Variants in NWD2 observed in about 807,000 individuals in gnomAD.
NWD2 encodes the protein NACHT and WD repeat domain containing 2.
A neutral mutation model predicts 132.7 loss-of-function variants in NWD2; 37 were observed. The observed-to-expected ratio is 0.28, with a 90% CI of 0.21 to 0.37. NWD2 has a LOEUF of 0.37. Ranked by LOEUF, NWD2 falls within the 10% of genes least tolerant of loss-of-function variation. The pLI is 1.00. For synonymous variants in NWD2, 705 were observed against 803.0 expected, an observed-to-expected ratio of 0.88 and a Z score of 2.06; for missense variants, 1,592 against 2,122.4, an observed-to-expected ratio of 0.75 and a Z score of 4.91.
Position 37,245,061 on chromosome 4 carries a change from G to A in NWD2, c.-7G>A. ...GCGGCGGCAGTGGCTGTTCCTCCCA[G>A]AGGGCGATGTGGCCGGCCGGCGCGG... is the stretch of plus-strand genomic sequence containing the variant. On this transcript the variant is annotated 5_prime_UTR_variant, in exon 1 of 7. Coordinates refer to ENST00000309447, the MANE Select transcript of NWD2 (RefSeq NM_001144990.2). The A allele has an allele frequency of 6.5e-7, 1 of 1,544,710 alleles. No homozygotes were observed. The highest frequency in any genetic ancestry group is 8.7e-7 in the Non-Finnish European group (1 of 1,146,410).
chr4:37,391,432 G>A (rs557678003), intron 3 of NWD2, among the ~76,000 whole-genome samples: 3 of 152,170 alleles, frequency 2.0e-5, no homozygotes, highest in East Asian at 1.9e-4. Context: ...TTTGGTCAGC[G>A]GAAGCTTCCA....
At position 37,446,788 on chromosome 4, in the gene NWD2, TG is replaced by T; in HGVS notation, c.4801del (p.Val1601Ter). 1 of 1,551,906 alleles carries T rather than the reference TG, an allele frequency of 6.4e-7. No homozygotes were observed. The highest frequency in any genetic ancestry group is 8.7e-7 in the Non-Finnish European group (1 of 1,147,068). On this transcript the variant is annotated frameshift_variant, in exon 7 of 7. Coordinates refer to ENST00000309447, the MANE Select transcript of NWD2 (RefSeq NM_001144990.2). LOFTEE classifies it high-confidence loss of function. The surrounding 1 kb of genome is among the most constrained non-coding windows in gnomAD (Gnocchi z 6.7). The part of the protein sequence containing the change: ...DENGAIFSLI[V>X]MRLADGKNIG... ...AAAATGGTGCAATATTCAGTTTAAT[TG>T]TAATGAGACTGGCAGATGGCAAAAA...
At chr4:37,421,316 G>C (rs868534262) in intron 3 of NWD2, among the ~76,000 whole-genome samples, 20 of 152,190 alleles carry the variant, frequency 1.3e-4, no homozygotes, top group African/African-American at 4.3e-4. Context: ...TGTAAGCTAA[G>C]AGCAAACTCC....
intron 1 of NWD2, among the ~76,000 whole-genome samples, chr4:37,302,467 A>G (rs2109277042): frequency 6.6e-6 from 1 of 152,222 alleles, no homozygotes; most frequent in East Asian, 1.9e-4. Context: ...TTTTCTTTGG[A>G]TAAATCCCAG....
intron 1 of NWD2, among the ~76,000 whole-genome samples, chr4:37,280,706 G>A (rs898584367): frequency 6.6e-6 from 1 of 152,078 alleles, no homozygotes. Flanking sequence ...AGCCCTGAGA[G>A]GAATAGAAAG....
chr4:37,371,790 T>G (rs1009905167), intron 3 of NWD2, among the ~76,000 whole-genome samples: 12 of 152,212 alleles, frequency 7.9e-5, no homozygotes, highest in African/African-American at 2.7e-4. Context: ...TCTATCTAAT[T>G]TTGCCCTGCA....
At chr4:37,404,375 T>C (rs1720955074) in intron 3 of NWD2, among the ~76,000 whole-genome samples, 1 of 152,194 alleles carries the variant, frequency 6.6e-6, no homozygotes, top group Non-Finnish European at 1.5e-5. Context: ...CCTAGCTGTA[T>C]ACCCCATCTA....
intron 3 of NWD2, 24 bp from the exon 4 acceptor site, chr4:37,430,548 T>C (rs770775385): frequency 3.3e-6 from 5 of 1,524,804 alleles, no homozygotes; most frequent in Non-Finnish European, 4.5e-6. Flanking sequence ...ATACACTAAA[T>C]TGAACTTTCT....
At chr4:37,288,757 ATAT>A (rs1274622538) in intron 1 of NWD2, among the ~76,000 whole-genome samples, 2 of 152,174 alleles carry the variant, frequency 1.3e-5, no homozygotes, top group African/African-American at 4.8e-5. Context: ...CCATTTGCAT[ATAT>A]TAAACAATGG....
intron 1 of NWD2, among the ~76,000 whole-genome samples, chr4:37,278,207 G>A (rs571346866): frequency 6.6e-6 from 1 of 152,226 alleles, no homozygotes; most frequent in Admixed American, 6.5e-5. Flanking sequence ...ATAACCTTAG[G>A]TTTAGTTAGG....
intron 1 of NWD2, among the ~76,000 whole-genome samples, chr4:37,263,389 A>G (rs1289940583): frequency 1.3e-5 from 2 of 152,180 alleles, no homozygotes; most frequent in Non-Finnish European, 2.9e-5. Flanking sequence ...GGGTTATACA[A>G]GCTTTCAGTA....
At chr4:37,406,093 C>A (rs1031708552) in intron 3 of NWD2, among the ~76,000 whole-genome samples, 5 of 152,132 alleles carry the variant, frequency 3.3e-5, no homozygotes, top group African/African-American at 1.2e-4. Flanking sequence ...TTAAGTCATG[C>A]CACTTTTAAC....
intron 3 of NWD2, among the ~76,000 whole-genome samples, chr4:37,402,726 C>T (rs1399093688): frequency 6.6e-6 from 1 of 152,180 alleles, no homozygotes; most frequent in Admixed American, 6.5e-5. Flanking sequence ...ACAAACCCAG[C>T]TGCATGGGTT....
intron 3 of NWD2, among the ~76,000 whole-genome samples, chr4:37,374,761 TAAC>T (rs752266518): frequency 5.0e-4 from 76 of 152,296 alleles, no homozygotes; most frequent in Non-Finnish European, 8.5e-4. Flanking sequence ...ATAGAAATAA[TAAC>T]AGCAACAATA....
chr4:37,290,814 T>C (rs1718345185), intron 1 of NWD2, among the ~76,000 whole-genome samples: 1 of 152,238 alleles, frequency 6.6e-6, no homozygotes, highest in Non-Finnish European at 1.5e-5. Context: ...TCATCATTTT[T>C]GCTCTTCACT....
chr4:37,363,678 A>AG (rs1235619173), intron 3 of NWD2, among the ~76,000 whole-genome samples: 1 of 152,146 alleles, frequency 6.6e-6, no homozygotes, highest in African/African-American at 2.4e-5. Context: ...AGAATGAGGG[A>AG]GGGGGCAAGG....
At position 37,282,858 on chromosome 4, in the gene NWD2, A is replaced by G. The variant is rs965848791; in HGVS notation, c.151+37640A>G. ...TAGCATTGTTGTGTGAAACAAATCA[A>G]CTGATAGATGGAAATAATGTAATTA... is the stretch of plus-strand genomic sequence containing the variant. On this transcript the variant is annotated intron_variant, in intron 1 of 6. Transcript: ENST00000309447. 2.0e-5 allele frequency among the ~76,000 whole-genome samples: 3 copies of G among 152,200 alleles called. No homozygotes were observed. In the East Asian group the frequency reaches 5.8e-4, roughly 29 times the overall value.
At chr4:37,282,076 A>G (rs981382056) in intron 1 of NWD2, among the ~76,000 whole-genome samples, 1 of 152,190 alleles carries the variant, frequency 6.6e-6, no homozygotes, top group Non-Finnish European at 1.5e-5. Flanking sequence ...ATTTTAGAGC[A>G]ATTATGCATA....
intron 3 of NWD2, among the ~76,000 whole-genome samples, chr4:37,369,841 C>G (rs1298784272): frequency 6.6e-6 from 1 of 152,136 alleles, no homozygotes; most frequent in Non-Finnish European, 1.5e-5. Context: ...AATGGCTGAA[C>G]GTGGGCAGTC....
Sources: allele counts gnomAD v4.1 joint callset (sites outside exome capture counted in the v4.1 genomes callset), GRCh38; gene constraint gnomAD v4.1.1; non-coding constraint Gnocchi (gnomAD v3.1); transcripts MANE v1.5; gene names NCBI Gene and HGNC (gene_info 2026-07-23, HGNC 2026-07-21).